The following GARNL3 variants were observed in gnomAD, a reference collection of about 807,000 sequenced individuals.
GARNL3 encodes GTPase-activating Rap/Ran-GAP domain-like protein 3.
A neutral mutation model predicts 125.0 loss-of-function variants in GARNL3; 63 were observed. The observed-to-expected ratio is 0.50, with a 90% CI of 0.41 to 0.62. GARNL3 has a LOEUF of 0.62. Ranked by LOEUF, GARNL3 falls within the 20% of genes least tolerant of loss-of-function variation. The pLI is 0.00. For missense variants in GARNL3, 994 were observed against 1,244.0 expected (o/e 0.80, Z 3.02); for synonymous variants, 439 against 457.5 (o/e 0.96, Z 0.52).
At chr9:127,254,841 T>C (rs763365612) in intron 2 of GARNL3, among the ~76,000 whole-genome samples, 1 of 151,480 alleles carries the variant, frequency 6.6e-6, no homozygotes, top group South Asian at 2.1e-4. Context: ...GACAAAAGAT[T>C]TGGAATAGGC....
intron 22 of GARNL3, chr9:127,369,090 A>C (rs1446252605): frequency 6.7e-6 from 1 of 150,206 alleles, no homozygotes; most frequent in Non-Finnish European, 1.5e-5. Flanking sequence ...TGTTTACACT[A>C]CTGCTTTTTT....
intron 1 of GARNL3, among the ~76,000 whole-genome samples, chr9:127,268,708 A>G (rs567932663): frequency 7.2e-5 from 11 of 152,320 alleles, no homozygotes; most frequent in East Asian, 5.8e-4. Flanking sequence ...CTCTTTATCA[A>G]TTAAACACTG....
intron 2 of GARNL3, among the ~76,000 whole-genome samples, chr9:127,252,277 C>T (rs2063418433): frequency 6.6e-6 from 1 of 152,122 alleles, no homozygotes; most frequent in Non-Finnish European, 1.5e-5. Context: ...TTTTTCTTCC[C>T]TCATGGTTAT....
At chr9:127,355,831 T>C (rs929663586) in intron 20 of GARNL3, among the ~76,000 whole-genome samples, 1 of 152,108 alleles carries the variant, frequency 6.6e-6, no homozygotes, top group Non-Finnish European at 1.5e-5. Flanking sequence ...GAACAAAGGA[T>C]AATGGAGCAG....
intron 7 of GARNL3, among the ~76,000 whole-genome samples, chr9:127,331,269 G>C (rs6478768): frequency 0.29 from 44,492 of 151,974 alleles, 6,793 homozygotes; most frequent in Middle Eastern, 0.39. Flanking sequence ...CAGGTGGATT[G>C]CCTGAGGTCA....
At position 127,393,436 on chromosome 9, in the gene GARNL3, G is replaced by A. The variant is rs1452133615; in HGVS notation, c.*182G>A. ...TCCGGTGCCATCTTTCCTGACCTTT[G>A]TTTCTTTCTGTTCAGGAACCATCAG... On this transcript the variant is annotated 3_prime_UTR_variant, in exon 28 of 28. Transcript: ENST00000373387. 4.4e-6 allele frequency: 2 copies of A among 453,694 alleles called. No individual in the cohort carries two copies. Among genetic ancestry groups the A allele is most frequent in the Admixed American group, 7.0e-5 (2 of 28,486 alleles). The allele number at this position is 453,694 out of a possible 1,614,324, so 28.1% of individuals were successfully genotyped here. A position where few individuals can be genotyped will look rare whatever the true frequency, so the allele number is the denominator to read the frequency against.
At chr9:127,313,316 G>T in intron 3 of GARNL3, 125 bp from the exon 4 acceptor site, 1 of 741,392 alleles carries the variant, frequency 1.3e-6, no homozygotes, top group East Asian at 2.5e-5. Flanking sequence ...TCCATCCCAA[G>T]CTGGCTTTGG....
chr9:127,231,228 GT>G (rs34963289), intron 1 of GARNL3, among the ~76,000 whole-genome samples: 17 of 100,520 alleles, frequency 1.7e-4, no homozygotes, highest in South Asian at 1.0e-3. Flanking sequence ...CTAATTTTTT[GT>G]TTTTTTTTTT....
chr9:127,274,838 G>T (rs1297209655), intron 1 of GARNL3, among the ~76,000 whole-genome samples: 3 of 152,202 alleles, frequency 2.0e-5, no homozygotes, highest in African/African-American at 7.2e-5. Flanking sequence ...ATTGAGTACA[G>T]CAGTTTTCTA....
rs756383462 is a variant in GARNL3 at position 127,311,484 on chromosome 9, G to T, written c.220-152G>T. Reference sequence around the variant, plus strand: ...TGCTTCCACGATGTGAATTTAGACTGGGTGTCTTTTCTAATGAGAACATGC... The same window carrying T: ...TGCTTCCACGATGTGAATTTAGACTTGGTGTCTTTTCTAATGAGAACATGC... On this transcript the variant is annotated intron_variant, in intron 2 of 27. Coordinates refer to ENST00000373387, the MANE Select transcript of GARNL3 (RefSeq NM_032293.5). The T allele has an allele frequency of 8.5e-5, 50 of 587,788 alleles. 2 individuals carry two copies. The highest frequency in any genetic ancestry group is 1.5e-4 in the Non-Finnish European group (49 of 330,412). The allele number at this position is 587,788 out of a possible 1,614,324, so 36.4% of individuals were successfully genotyped here.
intron 7 of GARNL3, among the ~76,000 whole-genome samples, chr9:127,331,603 C>T (rs1253460660): frequency 6.6e-6 from 1 of 151,950 alleles, no homozygotes; most frequent in Non-Finnish European, 1.5e-5. Context: ...TGTCTTCCTC[C>T]CTTCCCTGTG....
intron 1 of GARNL3, among the ~76,000 whole-genome samples, chr9:127,289,417 G>A (rs950568696): frequency 6.6e-6 from 1 of 152,198 alleles, no homozygotes; most frequent in African/African-American, 2.4e-5. Context: ...CAGAGTTCGG[G>A]AGAGTTCCAT....
intron 2 of GARNL3, among the ~76,000 whole-genome samples, chr9:127,306,634 G>A (rs1432113392): frequency 6.6e-6 from 1 of 152,074 alleles, no homozygotes; most frequent in African/African-American, 2.4e-5. Flanking sequence ...GGCTGAGGCA[G>A]GAGAATGGCG....
chr9:127,357,092 G>A (rs1236413955), intron 20 of GARNL3, 127 bp from the exon 21 acceptor site: 7 of 857,204 alleles, frequency 8.2e-6, no homozygotes, highest in Non-Finnish European at 9.3e-6. Flanking sequence ...CTTCCCTGTA[G>A]CACGGGGCTC....
At chr9:127,309,222 T>C (rs373623504) in intron 2 of GARNL3, among the ~76,000 whole-genome samples, 3 of 152,226 alleles carry the variant, frequency 2.0e-5, no homozygotes, top group Non-Finnish European at 2.9e-5. Context: ...ACCTCTGGAA[T>C]TGGAACTGGT....
intron 22 of GARNL3, among the ~76,000 whole-genome samples, chr9:127,374,642 T>C (rs1163051083): frequency 6.6e-6 from 1 of 152,126 alleles, no homozygotes; most frequent in Non-Finnish European, 1.5e-5. Flanking sequence ...TAAAGAACTC[T>C]CAATGATAAG....
chr9:127,363,544 C>A (rs954052788), intron 21 of GARNL3: 2 of 152,330 alleles, frequency 1.3e-5, no homozygotes, highest in African/African-American at 2.4e-5. Context: ...CATAATGAGA[C>A]CTTTTAGAGG....
intron 1 of GARNL3, among the ~76,000 whole-genome samples, chr9:127,231,914 T>C (rs1412809916): frequency 6.6e-6 from 1 of 152,170 alleles, no homozygotes; most frequent in Non-Finnish European, 1.5e-5. Context: ...TTTAACACGC[T>C]CATAAATAAT....
chr9:127,355,467 A>G lies in GARNL3; in HGVS notation c.1930A>G (p.Ile644Val), dbSNP rs1217731173. Residue 644 changes from isoleucine to valine, a missense_variant, in exon 20 of 28, where the codon ATC becomes GTC. Physicochemically the swap from Ile to Val is conservative, Grantham distance 29. This residue lies in a region of GARNL3 where 728 missense variants were observed against 865.7 expected (regional missense o/e 0.84). Transcript: ENST00000373387. ...GTCACCTGTTGAAGAATTCCAGTAC[A>G]TCAGGGTAGGTTTGCTCTTTAAATC... is the stretch of plus-strand genomic sequence containing the variant. ...SESPVEEFQY[I>V]REICLSDSPM... 3 of 1,614,002 alleles carry G rather than the reference A, an allele frequency of 1.9e-6. No individual in the cohort carries two copies. The highest frequency in any genetic ancestry group is 1.6e-4 in the Middle Eastern group (1 of 6,084).
Sources: allele counts gnomAD v4.1 joint callset (sites outside exome capture counted in the v4.1 genomes callset), GRCh38; gene constraint gnomAD v4.1.1; regional missense constraint gnomAD v4.1.1; transcripts MANE v1.5; gene names NCBI Gene and HGNC (gene_info 2026-07-23, HGNC 2026-07-21).